Variants in PRDM16 observed in about 807,000 individuals in gnomAD.
The protein encoded by PRDM16 is histone-lysine N-methyltransferase PRDM16.
PRDM16 carries 23 observed loss-of-function variants against 110.6 expected under a neutral mutation model. That is an observed-to-expected ratio of 0.21 (90% CI 0.15 to 0.29). The LOEUF (loss-of-function observed/expected upper bound fraction) is 0.29. Among genes scored for constraint, PRDM16 ranks in the 10% least tolerant of loss-of-function variants. PRDM16 has a pLI of 1.00. For missense variants in PRDM16, 1,615 were observed against 1,794.3 expected (o/e 0.90, Z 1.81); for synonymous variants, 799 against 781.8 (o/e 1.02, Z -0.37).
At chr1:3,405,279 T>C (rs1159795703) in intron 7 of PRDM16, among the ~76,000 whole-genome samples, 1 of 152,138 alleles carries the variant, frequency 6.6e-6, no homozygotes, top group Non-Finnish European at 1.5e-5. Context: ...GAATTGTTCT[T>C]GAGGAAAGCA....
At chr1:3,254,344 CA>C (rs1458121395) in intron 3 of PRDM16, among the ~76,000 whole-genome samples, 12 of 152,052 alleles carry the variant, frequency 7.9e-5, no homozygotes, top group African/African-American at 2.7e-4. Flanking sequence ...AAAGGGTATT[CA>C]ATTAGGAAAA....
rs1313325059 is a variant in PRDM16 at position 3,434,241 on chromosome 1, AGAATAACCCTTT to A, written c.*431_*442del. 8.3e-6 allele frequency: 2 copies of A among 240,004 alleles called. No homozygotes were observed. Among genetic ancestry groups the A allele is most frequent in the Non-Finnish European group, 1.6e-5 (2 of 122,998 alleles). 14.9% of individuals were successfully genotyped at this position (240,004 alleles called of 1,614,324 possible). A position where few individuals can be genotyped will look rare whatever the true frequency, so the allele number is the denominator to read the frequency against. On this transcript the variant is annotated 3_prime_UTR_variant, in exon 17 of 17. Coordinates refer to ENST00000270722, the MANE Select transcript of PRDM16 (RefSeq NM_022114.4). The stretch of plus-strand genomic sequence containing the variant: ...AAATGATTTTTATAATGAAATGACA[AGAATAACCCTTT>A]TGGTAACCGTATTGACTGCAGAGTC...
intron 4 of PRDM16, among the ~76,000 whole-genome samples, chr1:3,386,168 C>T (rs1267834649): frequency 6.6e-6 from 1 of 152,076 alleles, no homozygotes; most frequent in Non-Finnish European, 1.5e-5. Flanking sequence ...GCCCGGGGTC[C>T]CCGGCCCCTT....
chr1:3,327,989 G>T (rs1641955150), intron 3 of PRDM16, among the ~76,000 whole-genome samples: 1 of 152,254 alleles, frequency 6.6e-6, no homozygotes, highest in African/African-American at 2.4e-5. Context: ...TTTTCTCAGA[G>T]ACCCCTTGGG....
chr1:3,124,974 C>G (rs1015964637), intron 1 of PRDM16, among the ~76,000 whole-genome samples: 1 of 152,238 alleles, frequency 6.6e-6, no homozygotes, highest in Non-Finnish European at 1.5e-5. Flanking sequence ...GGTTCCAGCT[C>G]CCGCAATGTT....
At position 3,436,330 on chromosome 1, in the gene PRDM16, A is replaced by G. The variant is rs1638908931; in HGVS notation, c.*2519A>G. 1 of 231,030 alleles carries G rather than the reference A, an allele frequency of 4.3e-6. No individual in the cohort carries two copies. The highest frequency in any genetic ancestry group is 2.2e-5 in the African/African-American group (1 of 45,236). 14.3% of individuals were successfully genotyped at this position (231,030 alleles called of 1,614,324 possible). On this transcript the variant is annotated 3_prime_UTR_variant, in exon 17 of 17. Coordinates refer to ENST00000270722, the MANE Select transcript of PRDM16 (RefSeq NM_022114.4). ...CTTACCGTTGGTCTCCGGATCCCCC[A>G]GTCCCATCCCGCCGTTTTCGGCTGT...
At chr1:3,174,044 G>T (rs1372089154) in intron 1 of PRDM16, among the ~76,000 whole-genome samples, 1 of 151,846 alleles carries the variant, frequency 6.6e-6, no homozygotes, top group African/African-American at 2.4e-5. Context: ...TGAAACAACC[G>T]AAGGGTGTGC....
At chr1:3,314,215 C>T (rs1641544084) in intron 3 of PRDM16, among the ~76,000 whole-genome samples, 1 of 151,930 alleles carries the variant, frequency 6.6e-6, no homozygotes, top group South Asian at 2.1e-4. Context: ...GGGGGAGGAC[C>T]GACCTTTAGG....
intron 1 of PRDM16, among the ~76,000 whole-genome samples, chr1:3,184,152 G>T (rs553745073): frequency 6.6e-6 from 1 of 152,296 alleles, no homozygotes; most frequent in South Asian, 2.1e-4. Context: ...GCGTCAATTA[G>T]AAAGGACCCG....
chr1:3,257,014 T>C (rs1640066331), intron 3 of PRDM16, among the ~76,000 whole-genome samples: 2 of 152,164 alleles, frequency 1.3e-5, no homozygotes, highest in African/African-American at 4.8e-5. Flanking sequence ...GCTGAGATAA[T>C]GGATGGTTTT....
At chr1:3,241,395 C>T (rs983950220) in intron 2 of PRDM16, among the ~76,000 whole-genome samples, 1 of 152,242 alleles carries the variant, frequency 6.6e-6, no homozygotes, top group African/African-American at 2.4e-5. Context: ...GGGCCCAGGC[C>T]CCGTGCCCAG....
chr1:3,181,756 G>GA (rs1644203684), intron 1 of PRDM16, among the ~76,000 whole-genome samples: 1 of 62,458 alleles, frequency 1.6e-5, no homozygotes, highest in African/African-American at 3.5e-5. Context: ...TCTTACACAC[G>GA]GTCTTACACA....
chr1:3,316,807 T>C (rs1335524083), intron 3 of PRDM16, among the ~76,000 whole-genome samples: 1 of 151,896 alleles, frequency 6.6e-6, no homozygotes, highest in African/African-American at 2.4e-5. Flanking sequence ...CAGGAAACAG[T>C]GACACAGGGT....
At chr1:3,306,231 T>A (rs2100402876) in intron 3 of PRDM16, among the ~76,000 whole-genome samples, 1 of 152,356 alleles carries the variant, frequency 6.6e-6, no homozygotes, top group South Asian at 2.1e-4. Context: ...CAAAGACCGC[T>A]GGGCCATCTG....
chr1:3,200,368 A>T (rs530022548), intron 2 of PRDM16, among the ~76,000 whole-genome samples: 1 of 151,834 alleles, frequency 6.6e-6, no homozygotes, highest in East Asian at 1.9e-4. Context: ...TTTGAGATGG[A>T]GTCTTGCTCT....
intron 1 of PRDM16, among the ~76,000 whole-genome samples, chr1:3,071,850 C>T (rs894432165): frequency 1.3e-5 from 2 of 152,208 alleles, no homozygotes; most frequent in African/African-American, 2.4e-5. Flanking sequence ...CGGGGGCCAC[C>T]GCCGAGTGTG....
At position 3,434,189 on chromosome 1, in the gene PRDM16, G is replaced by C. The variant is rs1418530328; in HGVS notation, c.*378G>C. ...GGTCGCGGAAGGGAATGGATAGACT[G>C]GTGTGCTCAAAAGAGAGAGATCACT... is the stretch of plus-strand genomic sequence containing the variant. On this transcript the variant is annotated 3_prime_UTR_variant, in exon 17 of 17. Transcript: ENST00000270722. 1 of 275,180 alleles carries C rather than the reference G, an allele frequency of 3.6e-6. No homozygotes were observed. Among genetic ancestry groups the C allele is most frequent in the Non-Finnish European group, 6.9e-6 (1 of 145,520 alleles). The allele number at this position is 275,180 out of a possible 1,614,324, so 17.0% of individuals were successfully genotyped here.
chr1:3,374,467 G>A (rs1330116412), intron 3 of PRDM16, among the ~76,000 whole-genome samples: 1 of 152,208 alleles, frequency 6.6e-6, no homozygotes, highest in African/African-American at 2.4e-5. Flanking sequence ...GAGGCTCCCT[G>A]GACACACGTG....
In PRDM16 at chr1:3,246,902, A is replaced by G. The variant is rs552959350; in HGVS notation, c.438+2765A>G. Among the ~76,000 whole-genome samples, 59 of 152,298 alleles carry G rather than the reference A, an allele frequency of 3.9e-4. 1 individual carries two copies. The South Asian group carries it at 0.012, about 31-fold the overall frequency. ...GGGGGCCAGGAAGACCAGGACAGAC[A>G]GCCCTCGAGTGGGCGTCAGTCCAGA... is the stretch of plus-strand genomic sequence containing the variant. On this transcript the variant is annotated intron_variant, in intron 3 of 16. Coordinates refer to ENST00000270722, the MANE Select transcript of PRDM16 (RefSeq NM_022114.4). This position sits in a 1 kb window ranked among gnomAD's most constrained non-coding sequence, Gnocchi z 5.2.
Sources: allele counts gnomAD v4.1 joint callset (sites outside exome capture counted in the v4.1 genomes callset), GRCh38; gene constraint gnomAD v4.1.1; non-coding constraint Gnocchi (gnomAD v3.1); transcripts MANE v1.5; gene names NCBI Gene and HGNC (gene_info 2026-07-23, HGNC 2026-07-21).